OPCML: variants seen among roughly 807,000 people sequenced by gnomAD.
The protein encoded by OPCML is opioid binding protein/cell adhesion molecule like, also known as opioid-binding protein/cell adhesion molecule.
In OPCML, 13 loss-of-function variants were observed where a neutral mutation model predicts 37.8. The observed-to-expected ratio is 0.34, with a 90% CI of 0.22 to 0.55. The LOEUF is 0.55. OPCML is among the 20% of genes least tolerant of loss of function. OPCML has a pLI of 0.91. For missense variants in OPCML, 341 were observed against 435.6 expected (o/e 0.78, Z 1.93); for synonymous variants, 176 against 168.8 (o/e 1.04, Z -0.33).
At chr11:132,499,954 A>T (rs147120911) in intron 4 of OPCML, among the ~76,000 whole-genome samples, 1 of 152,326 alleles carries the variant, frequency 6.6e-6, no homozygotes, top group Non-Finnish European at 1.5e-5. Context: ...AGGCCTATTT[A>T]TCTTGTCTGT....
At chr11:133,290,489 G>A (rs1417500582) in intron 1 of OPCML, among the ~76,000 whole-genome samples, 1 of 152,206 alleles carries the variant, frequency 6.6e-6, no homozygotes, top group African/African-American at 2.4e-5. Context: ...CTAGGATGTT[G>A]GGGGATGGGA....
chr11:133,033,557 G>C (rs538355166), intron 1 of OPCML, among the ~76,000 whole-genome samples: 1 of 152,128 alleles, frequency 6.6e-6, no homozygotes, highest in African/African-American at 2.4e-5. Context: ...AACTTCCAGG[G>C]AATAAAGCTT....
At chr11:133,513,223 G>A (rs1591585785) in intron 1 of OPCML, among the ~76,000 whole-genome samples, 1 of 152,112 alleles carries the variant, frequency 6.6e-6, no homozygotes, top group East Asian at 1.9e-4. Flanking sequence ...CATGGACATT[G>A]AGAAATGTGT....
chr11:132,982,292 G>A (rs1946604153), intron 1 of OPCML, among the ~76,000 whole-genome samples: 1 of 151,874 alleles, frequency 6.6e-6, no homozygotes, highest in Admixed American at 6.6e-5. Flanking sequence ...TATCCCAAAT[G>A]TGTGTGATCC....
At chr11:133,253,944 T>C (rs945846321) in intron 1 of OPCML, among the ~76,000 whole-genome samples, 1 of 150,476 alleles carries the variant, frequency 6.6e-6, no homozygotes, top group Non-Finnish European at 1.5e-5. Context: ...TTCCTTCTTG[T>C]TTCTGCAAAC....
intron 1 of OPCML, among the ~76,000 whole-genome samples, chr11:133,204,058 C>CAAAAAAAAAAAAAA (rs58343203): frequency 1.5e-4 from 10 of 66,498 alleles, no homozygotes; most frequent in African/African-American, 2.7e-4. Context: ...GACTCTGTCT[C>CAAAAAAAAAAAAAA]AAAAAAAAAA....
intron 1 of OPCML, among the ~76,000 whole-genome samples, chr11:133,395,124 T>C (rs989592052): frequency 2.0e-5 from 3 of 152,212 alleles, no homozygotes; most frequent in South Asian, 2.1e-4. Context: ...CTGATGATCA[T>C]TAAGGTTGAG....
At chr11:132,468,273 T>C (rs1313731653) in intron 4 of OPCML, among the ~76,000 whole-genome samples, 2 of 152,206 alleles carry the variant, frequency 1.3e-5, no homozygotes, top group Non-Finnish European at 2.9e-5. Context: ...AGTACACCTC[T>C]CCTTCCCTCT....
At chr11:132,813,557 A>T (rs1215291186) in intron 2 of OPCML, among the ~76,000 whole-genome samples, 1 of 152,128 alleles carries the variant, frequency 6.6e-6, no homozygotes, top group Non-Finnish European at 1.5e-5. Flanking sequence ...TCTCTTCTGT[A>T]TCCCCATCTT....
chr11:133,100,280 G>T (rs907384680), intron 1 of OPCML, among the ~76,000 whole-genome samples: 6 of 152,036 alleles, frequency 3.9e-5, no homozygotes, highest in Admixed American at 2.6e-4. Context: ...TGCAATTTAC[G>T]CATGTAAAAA....
intron 2 of OPCML, among the ~76,000 whole-genome samples, chr11:132,874,300 A>G (rs1942927017): frequency 6.6e-6 from 1 of 152,176 alleles, no homozygotes. Context: ...TCAGGATAGC[A>G]TTGCTGATTA....
In OPCML at chr11:132,836,594, G is replaced by A. The variant is rs560364657; in HGVS notation, c.146+106332C>T. Among the ~76,000 whole-genome samples, 11 of 152,222 alleles carry A rather than the reference G, an allele frequency of 7.2e-5. No individual in the cohort carries two copies. The South Asian group carries it at 1.7e-3, about 23-fold the overall frequency. The stretch of plus-strand genomic sequence containing the variant: ...TGACAGCTCAAATCAAGAGTTTTAC[G>A]AATATTACACTAGCATGAGTCCTCT... On this transcript the variant is annotated intron_variant, in intron 2 of 7. Transcript: ENST00000524381.
At chr11:133,186,943 C>T (rs1289514879) in intron 1 of OPCML, among the ~76,000 whole-genome samples, 3 of 151,838 alleles carry the variant, frequency 2.0e-5, no homozygotes, top group East Asian at 1.9e-4. Context: ...GTCTGGTTGG[C>T]GTAGGAGGGA....
intron 2 of OPCML, among the ~76,000 whole-genome samples, chr11:132,767,899 A>G (rs185718201): frequency 1.3e-5 from 2 of 152,284 alleles, no homozygotes; most frequent in East Asian, 3.9e-4. Context: ...GAAATATTTT[A>G]TACTCAGATA....
intron 1 of OPCML, among the ~76,000 whole-genome samples, chr11:133,353,560 A>G (rs1345343093): frequency 6.6e-6 from 1 of 152,208 alleles, no homozygotes; most frequent in Non-Finnish European, 1.5e-5. Flanking sequence ...TGGGGGCCAC[A>G]GAAACAGATG....
At chr11:133,467,742 G>C (rs146569964) in intron 1 of OPCML, among the ~76,000 whole-genome samples, 2 of 152,026 alleles carry the variant, frequency 1.3e-5, no homozygotes, top group African/African-American at 4.8e-5. Flanking sequence ...CTGACTCCCC[G>C]GCCTTCTTCT....
At chr11:132,930,490 T>C (rs543999252) in intron 2 of OPCML, among the ~76,000 whole-genome samples, 5 of 151,974 alleles carry the variant, frequency 3.3e-5, no homozygotes, top group African/African-American at 1.2e-4. Flanking sequence ...TCCATAAACA[T>C]GCACAAAAAT....
chr11:132,645,786 T>C (rs1941116731), intron 3 of OPCML, among the ~76,000 whole-genome samples: 2 of 152,340 alleles, frequency 1.3e-5, no homozygotes, highest in East Asian at 3.9e-4. Flanking sequence ...ACTAAAGACT[T>C]GGCTTTTCAG....
At chr11:132,509,946 C>T (rs989374152) in intron 4 of OPCML, among the ~76,000 whole-genome samples, 1 of 152,136 alleles carries the variant, frequency 6.6e-6, no homozygotes, top group Non-Finnish European at 1.5e-5. Flanking sequence ...ACAGCTTGCA[C>T]TGTGTGCATG....
Sources: allele counts gnomAD v4.1 joint callset (sites outside exome capture counted in the v4.1 genomes callset), GRCh38; gene constraint gnomAD v4.1.1; transcripts MANE v1.5; gene names NCBI Gene and HGNC (gene_info 2026-07-23, HGNC 2026-07-21).